SCARB1: variants seen among roughly 807,000 people sequenced by gnomAD.
SCARB1 encodes scavenger receptor class B member 1.
Under a neutral mutation model 57.2 loss-of-function variants are expected in SCARB1, and 30 were observed. The observed-to-expected ratio is 0.52, with a 90% confidence interval of 0.39 to 0.71. The LOEUF (loss-of-function observed/expected upper bound fraction) is 0.71, where lower values mean the gene tolerates loss of function less well. SCARB1 is among the 30% of genes least tolerant of loss of function. The pLI is 0.00. For missense variants in SCARB1, 543 were observed against 671.2 expected (o/e 0.81, Z 2.11); for synonymous variants, 249 against 268.3 (o/e 0.93, Z 0.70).
At chr12:124,782,874 GTTC>G (rs1206665927) in intron 11 of SCARB1, 63 bp from the exon 12 acceptor site, 5 of 1,578,816 alleles carry the variant, frequency 3.2e-6, no homozygotes, top group Non-Finnish European at 3.5e-6. Flanking sequence ...GTTTTACACG[GTTC>G]TTCAATTTGC....
At chr12:124,795,106 G>T (rs1454336141) in intron 9 of SCARB1, 89 bp downstream of exon 9, 1 of 1,088,264 alleles carries the variant, frequency 9.2e-7, no homozygotes, top group Non-Finnish European at 1.4e-6. Context: ...TGGTTCCTGG[G>T]GTATGTCACT....
intron 1 of SCARB1, among the ~76,000 whole-genome samples, chr12:124,843,757 C>T (rs557378453): frequency 6.6e-6 from 1 of 152,282 alleles, no homozygotes; most frequent in South Asian, 2.1e-4. Flanking sequence ...GGGTCTAGCC[C>T]CAGTTTGCTC....
intron 11 of SCARB1, chr12:124,784,796 C>T (rs1949451486): frequency 6.6e-6 from 1 of 152,426 alleles, no homozygotes; most frequent in Non-Finnish European, 1.5e-5. Flanking sequence ...TGGGCAGCAT[C>T]CCTTCCCCTG....
At position 124,792,236 on chromosome 12, in the gene SCARB1, T is replaced by A. The variant is rs1385215911; in HGVS notation, c.1202+2959A>T. On this transcript the variant is annotated intron_variant, in intron 9 of 12. Transcript: ENST00000261693. ...TCCCCGACAGGTCACGAGACAGCTC[T>A]GCTTCCCGGCAGCTGTGTCTCTAGA... Among the ~76,000 whole-genome samples the A allele has an allele frequency of 2.6e-5, 4 of 152,166 alleles. 1 individual carries two copies. Among genetic ancestry groups the A allele is most frequent in the African/African-American group, 7.2e-5 (3 of 41,406 alleles).
In SCARB1 at chr12:124,863,763, G is replaced by C. The variant is rs1167112420; in HGVS notation, c.-43C>G. The C allele has an allele frequency of 7.1e-7, 1 of 1,405,880 alleles. No individual in the cohort carries two copies. Among genetic ancestry groups the C allele is most frequent in the East Asian group, 3.0e-5 (1 of 33,790 alleles). The allele number at this position is 1,405,880 out of a possible 1,614,324, so 87.1% of individuals were successfully genotyped here. A position where few individuals can be genotyped will look rare whatever the true frequency, so the allele number is the denominator to read the frequency against. On this transcript the variant is annotated 5_prime_UTR_variant, in exon 1 of 13. Coordinates refer to ENST00000261693, the MANE Select transcript of SCARB1 (RefSeq NM_005505.5). ...CCACCCGCGGCTCGCAGGGCTCCGC[G>C]CCTGGCAGGAGACGGGGACGGCGAC...
chr12:124,830,256 A>G (rs1403637789), intron 1 of SCARB1, among the ~76,000 whole-genome samples: 3 of 152,244 alleles, frequency 2.0e-5, no homozygotes, highest in Admixed American at 1.3e-4. Context: ...GTGGAAGTGC[A>G]TTAGTGCAGT....
intron 1 of SCARB1, among the ~76,000 whole-genome samples, chr12:124,858,768 A>T (rs1952750171): frequency 6.6e-6 from 1 of 151,718 alleles, no homozygotes; most frequent in Admixed American, 6.6e-5. Flanking sequence ...AGTCCCAGCT[A>T]CTCAGGAGGC....
intron 1 of SCARB1, among the ~76,000 whole-genome samples, chr12:124,854,874 TC>T (rs1467936347): frequency 6.6e-6 from 1 of 151,828 alleles, no homozygotes; most frequent in Non-Finnish European, 1.5e-5. Context: ...TGTTGGACAC[TC>T]GGGGGTGGGG....
chr12:124,812,928 T>C lies in SCARB1; in HGVS notation c.631-963A>G, dbSNP rs1468506183. Among the ~76,000 whole-genome samples, 1 of 152,204 alleles carries C rather than the reference T, an allele frequency of 6.6e-6. No homozygotes were observed. Among genetic ancestry groups the C allele is most frequent in the Non-Finnish European group, 1.5e-5 (1 of 68,040 alleles). On this transcript the variant is annotated intron_variant, in intron 4 of 12. Coordinates refer to ENST00000261693, the MANE Select transcript of SCARB1 (RefSeq NM_005505.5). This position sits in a 1 kb window ranked among gnomAD's most constrained non-coding sequence, Gnocchi z 4.3. ...GCCAGGTACAGTGCACCGGACACAG[T>C]AAGAGCTCAAAATGATAGTCTTTAT...
chr12:124,778,269 G>A lies in SCARB1; in HGVS notation c.*318C>T, dbSNP rs1420645756. ...GGCTCACCCGAGGAAGGGGACGCAG[G>A]ACCCACAGCCCCTGTGGTCAGGCCT... On this transcript the variant is annotated 3_prime_UTR_variant, in exon 13 of 13. Transcript: ENST00000261693. 6.7e-6 allele frequency: 3 copies of A among 446,212 alleles called. No individual in the cohort carries two copies. The highest frequency in any genetic ancestry group is 1.1e-5 in the Non-Finnish European group (3 of 271,120). 27.6% of individuals were successfully genotyped at this position (446,212 alleles called of 1,614,324 possible).
At chr12:124,843,644 G>T (rs946848202) in intron 1 of SCARB1, among the ~76,000 whole-genome samples, 4 of 151,924 alleles carry the variant, frequency 2.6e-5, no homozygotes, top group African/African-American at 9.7e-5. Flanking sequence ...TAAAAATAGG[G>T]TCTCTACAGA....
chr12:124,792,777 T>C (rs838861), intron 9 of SCARB1, among the ~76,000 whole-genome samples: 22,868 of 139,848 alleles, frequency 0.16, 3,217 homozygotes, highest in East Asian at 0.43. Flanking sequence ...TAAGTAAAAA[T>C]TGACAGAGCT....
chr12:124,825,372 T>C (rs1951112107), intron 1 of SCARB1, among the ~76,000 whole-genome samples: 1 of 151,240 alleles, frequency 6.6e-6, no homozygotes, highest in African/African-American at 2.4e-5. Flanking sequence ...TTGTCAGACC[T>C]CAAAAAAAGA....
At position 124,815,145 on chromosome 12, in the gene SCARB1, C is replaced by T. The variant is rs375871516; in HGVS notation, c.285-31G>A. 62 of 1,609,812 alleles carry T rather than the reference C, an allele frequency of 3.9e-5. No homozygotes were observed. In the South Asian group the frequency reaches 5.1e-4, roughly 13 times the overall value. ...GGGGAAGCCAGTGGGTCAGACGCCC[C>T]GCCCCGCTGCATGGGACGTTTCCCT... is the stretch of plus-strand genomic sequence containing the variant. On this transcript the variant is annotated intron_variant, in intron 2 of 12. Coordinates refer to ENST00000261693, the MANE Select transcript of SCARB1 (RefSeq NM_005505.5).
Position 124,825,021 on chromosome 12 carries a change from G to A in SCARB1, c.127-7314C>T, listed in dbSNP as rs182755076. ...GGGCAAATCATGAGGTCAGGAGATC[G>A]AGATCATCCTGGCCAACACAGTGAA... On this transcript the variant is annotated intron_variant, in intron 1 of 12. Coordinates refer to ENST00000261693, the MANE Select transcript of SCARB1 (RefSeq NM_005505.5). Among the ~76,000 whole-genome samples, 287 of 151,428 alleles carry A rather than the reference G, an allele frequency of 1.9e-3. 2 individuals carry two copies. The highest frequency in any genetic ancestry group is 3.4e-3 in the Middle Eastern group (1 of 290).
At chr12:124,793,739 G>A (rs527373083) in intron 9 of SCARB1, among the ~76,000 whole-genome samples, 1 of 151,036 alleles carries the variant, frequency 6.6e-6, no homozygotes, top group Non-Finnish European at 1.5e-5. Flanking sequence ...GGCAGAGGCT[G>A]TGCAAGTCTG....
intron 1 of SCARB1, among the ~76,000 whole-genome samples, chr12:124,856,635 GC>G (rs1321894969): frequency 3.9e-5 from 6 of 152,236 alleles, no homozygotes; most frequent in Non-Finnish European, 8.8e-5. Context: ...TCCTCGAGGA[GC>G]CCCCTCCCCA....
chr12:124,787,580 C>T (rs996110031), intron 9 of SCARB1, 123 bp from the exon 10 acceptor site: 121 of 810,790 alleles, frequency 1.5e-4, no homozygotes, highest in Middle Eastern at 2.2e-4. Flanking sequence ...ACCCTCACCA[C>T]CAAATATAAA....
intron 1 of SCARB1, among the ~76,000 whole-genome samples, chr12:124,859,787 T>C (rs951688430): frequency 1.3e-5 from 2 of 152,104 alleles, no homozygotes; most frequent in Non-Finnish European, 2.9e-5. Context: ...CTGGGTAACA[T>C]AGTGAGACCT....
Sources: allele counts gnomAD v4.1 joint callset (sites outside exome capture counted in the v4.1 genomes callset), GRCh38; gene constraint gnomAD v4.1.1; non-coding constraint Gnocchi (gnomAD v3.1); transcripts MANE v1.5; gene names NCBI Gene and HGNC (gene_info 2026-07-23, HGNC 2026-07-21).